Variants in CAST observed in about 807,000 individuals in gnomAD.
CAST encodes the protein MIR583 host.
CAST carries 76 observed loss-of-function variants against 119.6 expected under a neutral mutation model. The observed-to-expected ratio is 0.64, with a 90% CI of 0.53 to 0.77. The LOEUF is 0.77. Among genes scored for constraint, CAST ranks in the 30% least tolerant of loss-of-function variants. The pLI, the probability that CAST is intolerant of heterozygous loss-of-function variation, is 0.00. For missense variants in CAST, 953 were observed against 946.5 expected, an observed-to-expected ratio of 1.01 and a Z score of -0.09; for synonymous variants, 319 against 331.6, an observed-to-expected ratio of 0.96 and a Z score of 0.41.
chr5:96,692,352 C>T (rs1428947945), intron 2 of CAST, among the ~76,000 whole-genome samples: 1 of 152,088 alleles, frequency 6.6e-6, no homozygotes, highest in South Asian at 2.1e-4. Flanking sequence ...CTCAGGGGGT[C>T]AGGTAGTAAC....
At chr5:96,149,873 T>G in the CAST span, among the ~76,000 whole-genome samples, 2 of 152,354 alleles carry the variant, frequency 1.3e-5, no homozygotes, top group South Asian at 4.1e-4. Context: ...TTTCAGGAGC[T>G]TCTTTCAGGG....
At chr5:96,618,574 T>G (rs557511217) in intron 1 of CAST, among the ~76,000 whole-genome samples, 1 of 152,330 alleles carries the variant, frequency 6.6e-6, no homozygotes, top group Non-Finnish European at 1.5e-5. Flanking sequence ...AAGTTCCAGG[T>G]GGTTGCGGGC....
chr5:96,280,805 A>C, the CAST span, among the ~76,000 whole-genome samples: 8 of 151,820 alleles, frequency 5.3e-5, no homozygotes, highest in Non-Finnish European at 1.0e-4. Context: ...ATGTATTCAC[A>C]CTAACACTAA....
At chr5:96,358,265 T>G in the CAST span, among the ~76,000 whole-genome samples, 2 of 152,298 alleles carry the variant, frequency 1.3e-5, no homozygotes, top group African/African-American at 4.8e-5. Context: ...ATTTTGTTAA[T>G]CTTTTCAAAA....
At chr5:96,662,322 T>TGCCAA, upstream of CAST, 5 of 567,038 alleles carry the variant, frequency 8.8e-6, no homozygotes, top group Non-Finnish European at 1.0e-5. Flanking sequence ...GGCCCTCCGC[T>TGCCAA]CCCTCCCTCC....
rs552984459 is a variant in CAST at position 96,547,934 on chromosome 5, A to G, written c.60+18054A>G. ...ATCCAATATGGGAATTCTGCCAGTA[A>G]CAAAGTATGTCTATTCCAATCTACA... On this transcript the variant is annotated intron_variant, in intron 1 of 11. Transcript: ENST00000505143. 7.2e-5 allele frequency among the ~76,000 whole-genome samples: 11 copies of G among 152,306 alleles called. No individual in the cohort carries two copies. In the East Asian group the frequency reaches 2.1e-3, roughly 29 times the overall value.
chr5:96,440,390 T>C, the CAST span, among the ~76,000 whole-genome samples: 7 of 152,256 alleles, frequency 4.6e-5, no homozygotes, highest in East Asian at 1.4e-3. Context: ...CTACCCACGC[T>C]GCAGCTGTAG....
chr5:96,170,650 G>C, the CAST span, among the ~76,000 whole-genome samples: 3 of 152,170 alleles, frequency 2.0e-5, no homozygotes, highest in African/African-American at 7.2e-5. Context: ...CAGGGTCTAG[G>C]GCTGTAAAGC....
the CAST span, among the ~76,000 whole-genome samples, chr5:96,479,743 C>T: frequency 3.3e-5 from 5 of 151,922 alleles, no homozygotes; most frequent in African/African-American, 4.8e-5. Context: ...CCATGGCACC[C>T]GGCTGGCACT....
chr5:96,753,833 C>A (rs1209095633), intron 20 of CAST, among the ~76,000 whole-genome samples: 11 of 152,200 alleles, frequency 7.2e-5, no homozygotes, highest in African/African-American at 2.7e-4. Flanking sequence ...GTAAGTTTCA[C>A]ATTATCAACA....
At chr5:96,661,419 GAAAAAA>G (rs34922511), upstream of CAST, among the ~76,000 whole-genome samples, 4,937 of 88,384 alleles carry the variant, frequency 0.056, 271 homozygotes, top group African/African-American at 0.15. Flanking sequence ...TGCCTCTCCA[GAAAAAA>G]AAAAAAAAAA....
chr5:96,664,960 C>T (rs1749131359), intron 1 of CAST, among the ~76,000 whole-genome samples: 1 of 152,178 alleles, frequency 6.6e-6, no homozygotes, highest in African/African-American at 2.4e-5. Context: ...CAAAATTCTC[C>T]TTCCAGACTC....
intron 3 of CAST, among the ~76,000 whole-genome samples, chr5:96,703,307 G>A (rs1033948171): frequency 9.2e-5 from 14 of 152,120 alleles, no homozygotes; most frequent in Non-Finnish European, 2.1e-4. Flanking sequence ...TTTATCTCTA[G>A]GGTTGGAGAT....
the CAST span, among the ~76,000 whole-genome samples, chr5:96,333,670 C>T: frequency 6.6e-6 from 1 of 152,024 alleles, no homozygotes; most frequent in Non-Finnish European, 1.5e-5. Flanking sequence ...TGTGGTGAGA[C>T]CTGGAGTTGG....
chr5:96,422,265 G>A, the CAST span, among the ~76,000 whole-genome samples: 4 of 152,232 alleles, frequency 2.6e-5, no homozygotes, highest in Admixed American at 6.5e-5. Flanking sequence ...AGTCATCTCA[G>A]TTTTCAGATG....
chr5:96,606,299 G>A (rs1040187104), intron 1 of CAST, among the ~76,000 whole-genome samples: 1 of 152,172 alleles, frequency 6.6e-6, no homozygotes, highest in African/African-American at 2.4e-5. Context: ...TATTTAAACC[G>A]TACCTTACCA....
At chr5:96,357,812 C>T in the CAST span, among the ~76,000 whole-genome samples, 33 of 152,268 alleles carry the variant, frequency 2.2e-4, no homozygotes, top group Non-Finnish European at 3.8e-4. Flanking sequence ...GTTTCTCAGC[C>T]AGGCTTTGGT....
At chr5:96,331,369 A>G in the CAST span, among the ~76,000 whole-genome samples, 1 of 152,222 alleles carries the variant, frequency 6.6e-6, no homozygotes, top group African/African-American at 2.4e-5. Context: ...GACAAAGGGG[A>G]AGTATGTGGC....
chr5:96,436,056 A>G, the CAST span, among the ~76,000 whole-genome samples: 1 of 152,240 alleles, frequency 6.6e-6, no homozygotes, highest in African/African-American at 2.4e-5. Flanking sequence ...GAGATGTTAA[A>G]GAATGGGTAA....
Sources: allele counts gnomAD v4.1 joint callset (sites outside exome capture counted in the v4.1 genomes callset), GRCh38; gene constraint gnomAD v4.1.1; transcripts MANE v1.5; gene names NCBI Gene and HGNC (gene_info 2026-07-23, HGNC 2026-07-21).